Variants in SHPK observed in about 807,000 individuals in gnomAD.
SHPK encodes sedoheptulokinase, also known as carbohydrate kinase-like protein.
A neutral mutation model predicts 46.3 loss-of-function variants in SHPK; 51 were observed. The observed-to-expected ratio is 1.10, with a 90% CI of 0.88 to 1.39. SHPK has a LOEUF of 1.39. Among genes scored for constraint, SHPK ranks in the 40% most tolerant of loss-of-function variants. The pLI is 0.00. For missense variants in SHPK, 668 were observed against 641.3 expected, an observed-to-expected ratio of 1.04 and a Z score of -0.45; for synonymous variants, 290 against 273.9, an observed-to-expected ratio of 1.06 and a Z score of -0.58.
chr17:3,610,295 T>G lies in SHPK; in HGVS notation c.*265A>C. 1 of 435,326 alleles carries G rather than the reference T, an allele frequency of 2.3e-6. No homozygotes were observed. Among genetic ancestry groups the G allele is most frequent in the Non-Finnish European group, 4.2e-6 (1 of 236,624 alleles). 27.0% of individuals were successfully genotyped at this position (435,326 alleles called of 1,614,324 possible). A position where few individuals can be genotyped will look rare whatever the true frequency, so the allele number is the denominator to read the frequency against. ...AGGCTGGGCTACTGTGCTCTCATGCTCTCTCTCTCCCACATGGACATTTGT... is the reference window on the plus strand; with the variant it reads ...AGGCTGGGCTACTGTGCTCTCATGCGCTCTCTCTCCCACATGGACATTTGT... On this transcript the variant is annotated 3_prime_UTR_variant, in exon 7 of 7. Coordinates refer to ENST00000225519, the MANE Select transcript of SHPK (RefSeq NM_013276.4).
Position 3,610,898 on chromosome 17 carries a change from T to C in SHPK, c.1099A>G (p.Thr367Ala). The C allele has an allele frequency of 6.2e-7, 1 of 1,613,910 alleles. No individual in the cohort carries two copies. Among genetic ancestry groups the C allele is most frequent in the Non-Finnish European group, 8.5e-7 (1 of 1,179,962 alleles). Residue 367 changes from threonine (T) to alanine (A), a missense_variant, in exon 7 of 7, where the codon ACC (threonine) becomes GCC (alanine). Physicochemically the swap from Thr to Ala is moderately conservative, Grantham distance 58. Transcript: ENST00000225519. ...AAVQQRDTHL[T>A]ITPTVLGERH... is the part of the protein sequence containing the mutation. ...TCCCCCAGCACTGTCGGGGTGATGG[T>C]CAGGTGGGTATCTCTCTGCTGCACA...
intron 1 of SHPK, among the ~76,000 whole-genome samples, chr17:3,632,234 C>A (rs1190745272): frequency 6.6e-6 from 1 of 152,078 alleles, no homozygotes; most frequent in African/African-American, 2.4e-5. Context: ...GCATTACAGG[C>A]GTGAGCCACC....
At position 3,610,632 on chromosome 17, in the gene SHPK, C is replaced by A; in HGVS notation, c.1365G>T (p.Gly455=). The A allele has an allele frequency of 1.9e-6, 3 of 1,613,980 alleles. 1 individual carries two copies. In the South Asian group the frequency reaches 3.3e-5, roughly 18 times the overall value. ...QRAFPLPMSF[G]QDVDAAVGAA... Reference sequence around the variant, plus strand: ...CCCCGACAGCTGCATCCACATCCTGCCCAAAGGACATGGGCAAAGGGAAAG... The same window carrying A: ...CCCCGACAGCTGCATCCACATCCTGACCAAAGGACATGGGCAAAGGGAAAG... Residue 455 remains glycine (G), a synonymous_variant, in exon 7 of 7, where the codon GGG becomes GGT. Coordinates refer to ENST00000225519, the MANE Select transcript of SHPK (RefSeq NM_013276.4).
Position 3,621,398 on chromosome 17 carries a change from C to A in SHPK, c.662G>T (p.Gly221Val). Residue 221 changes from glycine to valine, a missense_variant, in exon 5 of 7, where the codon GGT (glycine) becomes GTT (valine). By Grantham distance (109) the Gly-to-Val change is moderately radical (BLOSUM62 -3). Coordinates refer to ENST00000225519, the MANE Select transcript of SHPK (RefSeq NM_013276.4). ...GTCTGGGAGCAGGTGGACAGGAAAA[C>A]CCGAGCTCCTCAGTCTGTAAAACAG... The part of the protein sequence containing the change: ...SWNVETLRSS[G>V]FPVHLLPDIA... The A allele has an allele frequency of 6.2e-7, 1 of 1,613,856 alleles. No homozygotes were observed. Among genetic ancestry groups the A allele is most frequent in the Non-Finnish European group, 8.5e-7 (1 of 1,179,848 alleles).
chr17:3,611,795 C>T (rs1030003166), intron 6 of SHPK, among the ~76,000 whole-genome samples: 1 of 127,570 alleles, frequency 7.8e-6, no homozygotes, highest in Non-Finnish European at 1.6e-5. Flanking sequence ...GTTAGCTCTG[C>T]GGGTTTTTTT....
At chr17:3,612,986 G>C (rs1287930051) in intron 6 of SHPK, among the ~76,000 whole-genome samples, 1 of 151,992 alleles carries the variant, frequency 6.6e-6, no homozygotes, top group Non-Finnish European at 1.5e-5. Context: ...TCCTGACTTC[G>C]TGATCCGCCC....
chr17:3,634,440 C>T (rs1034409202), intron 1 of SHPK, among the ~76,000 whole-genome samples: 4 of 151,754 alleles, frequency 2.6e-5, no homozygotes, highest in African/African-American at 9.7e-5. Flanking sequence ...AGCATGGTGG[C>T]GCACACCTGT....
At position 3,610,834 on chromosome 17, in the gene SHPK, A is replaced by T; in HGVS notation, c.1163T>A (p.Ile388Asn). The T allele has an allele frequency of 6.2e-7, 1 of 1,614,044 alleles. No homozygotes were observed. The highest frequency in any genetic ancestry group is 8.5e-7 in the Non-Finnish European group (1 of 1,180,014). Residue 388 changes from isoleucine (I) to asparagine (N), a missense_variant, in exon 7 of 7, where the codon ATC becomes AAC. Physicochemically the swap from Ile to Asn is moderately radical, Grantham distance 149. Transcript: ENST00000225519. ...LPDQLASVTR[I>N]SSSDLSLGHV... ...CCCCAGGGAGAGGTCGGAGGAGGAG[A>T]TTCTGGTCACTGAGGCCAGCTGGTC...
intron 1 of SHPK, among the ~76,000 whole-genome samples, chr17:3,635,295 G>A (rs991730105): frequency 6.7e-6 from 1 of 150,234 alleles, no homozygotes; most frequent in Non-Finnish European, 1.5e-5. Context: ...GAGTGCAACG[G>A]AGCGATCTCG....
chr17:3,610,538 G>T lies in SHPK; in HGVS notation c.*22C>A. 3 of 1,576,678 alleles carry T rather than the reference G, an allele frequency of 1.9e-6. No homozygotes were observed. The highest frequency in any genetic ancestry group is 2.6e-6 in the Non-Finnish European group (3 of 1,156,670). On this transcript the variant is annotated 3_prime_UTR_variant, in exon 7 of 7. Coordinates refer to ENST00000225519, the MANE Select transcript of SHPK (RefSeq NM_013276.4). The stretch of plus-strand genomic sequence containing the variant: ...TAATCAGGTAAAATTCACAGCAGTC[G>T]TTTGGCGAAAGAGTTTGCTGTCTAA...
In SHPK at chr17:3,635,528, C is replaced by T. The variant is rs533102303; in HGVS notation, c.168+524G>A. On this transcript the variant is annotated intron_variant, in intron 1 of 6. Transcript: ENST00000225519. ...GGGATTACAGGCGTGAGCCACCGCG[C>T]CCGGCTGACCAAAGGTTTCTTGGTC... is the stretch of plus-strand genomic sequence containing the variant. Among the ~76,000 whole-genome samples, 135 of 152,342 alleles carry T rather than the reference C, an allele frequency of 8.9e-4. 7 individuals are homozygous for T. In the South Asian group the frequency reaches 0.023, roughly 26 times the overall value.
rs1257263819 is a variant in SHPK at position 3,619,224 on chromosome 17, G to A, written c.823+2013C>T. The A allele has an allele frequency of 4.2e-5, 25 of 593,524 alleles. 1 individual carries two copies. The South Asian group carries it at 4.5e-4, about 11-fold the overall frequency. The allele number at this position is 593,524 out of a possible 1,614,324, so 36.8% of individuals were successfully genotyped here. A position where few individuals can be genotyped will look rare whatever the true frequency, so the allele number is the denominator to read the frequency against. ...AGCCTACGTTGCAGCTAAGATGTGT[G>A]TAAGATTTTACATGTATTTTGGAAG... On this transcript the variant is annotated intron_variant, in intron 5 of 6. Coordinates refer to ENST00000225519, the MANE Select transcript of SHPK (RefSeq NM_013276.4).
intron 2 of SHPK, among the ~76,000 whole-genome samples, chr17:3,625,485 G>A (rs563378953): frequency 2.6e-5 from 4 of 152,272 alleles, no homozygotes; most frequent in Admixed American, 6.5e-5. Flanking sequence ...AGGAGACCAC[G>A]GGCAAAGAGC....
intron 5 of SHPK, among the ~76,000 whole-genome samples, chr17:3,616,526 C>G (rs1276687721): frequency 1.3e-5 from 2 of 152,168 alleles, no homozygotes; most frequent in Non-Finnish European, 2.9e-5. Flanking sequence ...CATCCCACCC[C>G]ACTCAGAATC....
chr17:3,636,044 C>A lies in SHPK; in HGVS notation c.168+8G>T, dbSNP rs1350868199. ...TGGAGGCGGCGCGGCCCCGGGGGTC[C>A]AACTCACCTGGGGCCCGGCCACCGC... On this transcript the variant is annotated splice_region_variant and intron_variant, in intron 1 of 6. Transcript: ENST00000225519. 1 of 1,546,232 alleles carries A rather than the reference C, an allele frequency of 6.5e-7. No individual in the cohort carries two copies. The highest frequency in any genetic ancestry group is 2.0e-5 in the Admixed American group (1 of 49,846).
intron 1 of SHPK, among the ~76,000 whole-genome samples, chr17:3,635,402 A>T (rs1439689554): frequency 1.3e-5 from 2 of 151,688 alleles, no homozygotes; most frequent in African/African-American, 4.8e-5. Context: ...CGCCCCGCTA[A>T]TTTTTTGTAT....
intron 3 of SHPK, 45 bp from the exon 4 acceptor site, chr17:3,623,536 C>G: frequency 2.5e-6 from 4 of 1,602,414 alleles, no homozygotes; most frequent in Non-Finnish European, 3.4e-6. Context: ...AACATGAACT[C>G]GGAAGCATGT....
At chr17:3,627,294 G>T (rs2075444067) in intron 2 of SHPK, among the ~76,000 whole-genome samples, 1 of 152,026 alleles carries the variant, frequency 6.6e-6, no homozygotes, top group African/African-American at 2.4e-5. Context: ...ATGGAGTTTG[G>T]AAACAGGCGT....
chr17:3,622,998 C>T (rs1006423809), intron 4 of SHPK, among the ~76,000 whole-genome samples: 1 of 152,232 alleles, frequency 6.6e-6, no homozygotes, highest in Non-Finnish European at 1.5e-5. Flanking sequence ...AGCCACCGCG[C>T]CTGGCTCTCT....
Sources: gnomAD v4.1 joint callset for allele counts (sites outside exome capture counted in the v4.1 genomes callset) on GRCh38, gnomAD v4.1.1 for gene constraint, MANE v1.5 for transcripts, NCBI Gene and HGNC (gene_info 2026-07-23, HGNC 2026-07-21) for gene names.